The following THAP9 variants were observed in gnomAD, a reference collection of about 807,000 sequenced individuals.
THAP9 encodes THAP domain containing 9.
THAP9 carries 20 observed loss-of-function variants against 35.7 expected under a neutral mutation model. That is an observed-to-expected ratio of 0.56 (90% CI 0.39 to 0.81). THAP9 has a LOEUF of 0.81. Ranked by LOEUF, THAP9 falls within the 40% of genes least tolerant of loss-of-function variation. THAP9 has a pLI of 0.00. For missense variants in THAP9, 870 were observed against 1,047.4 expected, an observed-to-expected ratio of 0.83 and a Z score of 2.34; for synonymous variants, 335 against 373.7, an observed-to-expected ratio of 0.90 and a Z score of 1.19.
At chr4:82,912,195 T>G (rs1245628029) in intron 4 of THAP9, among the ~76,000 whole-genome samples, 1 of 152,252 alleles carries the variant, frequency 6.6e-6, no homozygotes, top group Non-Finnish European at 1.5e-5. Flanking sequence ...TCCTTTGAAA[T>G]TAAGTCTTAA....
chr4:82,900,794 A>G lies in THAP9; in HGVS notation c.-9A>G, dbSNP rs1034407174. 1.2e-6 allele frequency: 2 copies of G among 1,613,666 alleles called. No individual in the cohort carries two copies. Among genetic ancestry groups the G allele is most frequent in the Non-Finnish European group, 8.5e-7 (1 of 1,180,010 alleles). On this transcript the variant is annotated 5_prime_UTR_variant, in exon 1 of 5. The change abolishes the stop of an existing upstream ORF in the 5' untranslated region. Transcript: ENST00000302236. ...GAACCCCGAAGGTGGGGCCCCACGT[A>G]ACAAGAAGATGACCCGAAGTTGCTC...
chr4:82,904,595 C>A, intron 1 of THAP9, 141 bp from the exon 2 acceptor site: 1 of 763,612 alleles, frequency 1.3e-6, no homozygotes, highest in Non-Finnish European at 2.0e-6. Flanking sequence ...GAAAAATGAA[C>A]TAAGTAAATT....
At chr4:82,900,919 C>T (rs1240165647) in intron 1 of THAP9, 37 bp downstream of exon 1, 4 of 1,609,242 alleles carry the variant, frequency 2.5e-6, no homozygotes, top group Non-Finnish European at 3.4e-6. Flanking sequence ...TTCGAACTCC[C>T]TGCGGGGCCC....
chr4:82,913,137 C>T (rs1357542317), intron 4 of THAP9: 2 of 151,904 alleles, frequency 1.3e-5, no homozygotes, highest in Admixed American at 1.3e-4. Flanking sequence ...GAGAAATTGT[C>T]TCCTTCCTTA....
chr4:82,911,994 C>T (rs1185063721), intron 4 of THAP9, among the ~76,000 whole-genome samples: 1 of 152,106 alleles, frequency 6.6e-6, no homozygotes, highest in African/African-American at 2.4e-5. Flanking sequence ...AGATAGGGTG[C>T]CTCATGAATT....
At chr4:82,901,110 T>TA (rs1560689931) in intron 1 of THAP9, 1 of 698,370 alleles carries the variant, frequency 1.4e-6, no homozygotes, top group South Asian at 1.5e-5. Context: ...TCGCACCGCC[T>TA]ACCGCTTTAA....
chr4:82,916,653 A>G (rs1721041788), intron 4 of THAP9, among the ~76,000 whole-genome samples: 1 of 152,256 alleles, frequency 6.6e-6, no homozygotes, highest in African/African-American at 2.4e-5. Context: ...TTACAATATA[A>G]AAAGATCAGT....
Position 82,919,824 on chromosome 4 carries a change from A to G in THAP9, c.*900A>G, listed in dbSNP as rs1191645631. Reference sequence around the variant, plus strand: ...AACGGATAGAAGAAACAAGCACATTATTCACCTGTGTTGTAAAACATCTAC... The same window carrying G: ...AACGGATAGAAGAAACAAGCACATTGTTCACCTGTGTTGTAAAACATCTAC... On this transcript the variant is annotated 3_prime_UTR_variant, in exon 5 of 5. Coordinates refer to ENST00000302236, the MANE Select transcript of THAP9 (RefSeq NM_024672.6). 6.6e-6 allele frequency: 1 copy of G among 152,250 alleles called. No individual in the cohort carries two copies. The highest frequency in any genetic ancestry group is 1.9e-4 in the East Asian group (1 of 5,206). The allele number at this position is 152,250 out of a possible 1,614,324, so 9.4% of individuals were successfully genotyped here.
In THAP9 at chr4:82,918,625, T is replaced by G. The variant is rs1377940520; in HGVS notation, c.2413T>G (p.Cys805Gly). The G allele has an allele frequency of 6.2e-7, 1 of 1,614,124 alleles. No homozygotes were observed. Among genetic ancestry groups the G allele is most frequent in the African/African-American group, 1.3e-5 (1 of 75,070 alleles). ...RELYLQQKIL[C>G]ELSGHINLFV... ...ATTGTATCTTCAACAGAAAATATTA[T>G]GTGAGCTTTCTGGGCATATTAATCT... The change falls in exon 5 of 5, where the codon TGT becomes GGT. Residue 805 changes from cysteine to glycine, a missense_variant. This residue lies in a region of THAP9 where 414 missense variants were observed against 500.8 expected (regional missense o/e 0.83). Coordinates refer to ENST00000302236, the MANE Select transcript of THAP9 (RefSeq NM_024672.6).
intron 4 of THAP9, among the ~76,000 whole-genome samples, chr4:82,914,766 C>G (rs192165021): frequency 6.6e-6 from 1 of 152,130 alleles, no homozygotes; most frequent in Non-Finnish European, 1.5e-5. Flanking sequence ...TGTAGGATGT[C>G]TGTTTACTGT....
At chr4:82,901,084 T>G in intron 1 of THAP9, 1 of 729,728 alleles carries the variant, frequency 1.4e-6, no homozygotes, top group Non-Finnish European at 2.4e-6. Flanking sequence ...AGTGTTTACC[T>G]CTGAATAGCC....
intron 4 of THAP9, 149 bp downstream of exon 4, chr4:82,908,084 TA>T (rs3214860): frequency 0.49 from 358,198 of 735,886 alleles, 97,614 homozygotes; most frequent in Admixed American, 0.6. Flanking sequence ...TACTCCCATT[TA>T]AAAAAAGAAA....
chr4:82,912,830 G>A (rs150267093), intron 4 of THAP9, among the ~76,000 whole-genome samples: 1 of 152,126 alleles, frequency 6.6e-6, no homozygotes, highest in African/African-American at 2.4e-5. Context: ...GATGTCCTTC[G>A]ATTTGAGTTG....
Position 82,908,669 on chromosome 4 carries a change from T to C in THAP9, c.731+734T>C, listed in dbSNP as rs901952077. On this transcript the variant is annotated intron_variant, in intron 4 of 4. Transcript: ENST00000302236. ...GCACAGCGGCACAATCTCGGCTCAC[T>C]GCAACCTTGCCTTCCAGGTTCAAGC... Among the ~76,000 whole-genome samples, 26 of 152,246 alleles carry C rather than the reference T, an allele frequency of 1.7e-4. 1 individual carries two copies. The East Asian group carries it at 1.9e-3, about 11-fold the overall frequency.
intron 3 of THAP9, among the ~76,000 whole-genome samples, chr4:82,907,256 T>C (rs1053063318): frequency 2.0e-5 from 3 of 152,154 alleles, no homozygotes; most frequent in African/African-American, 7.2e-5. Flanking sequence ...GTCCTCTTTT[T>C]AGAAAAGAGT....
Position 82,916,986 on chromosome 4 carries a change from CATTT to C in THAP9, c.775_778del (p.Ile259PhefsTer8), listed in dbSNP as rs1721051722. 1 of 1,549,314 alleles carries C rather than the reference CATTT, an allele frequency of 6.5e-7. No individual in the cohort carries two copies. The highest frequency in any genetic ancestry group is 1.4e-5 in the African/African-American group (1 of 72,574). ...AACCCAGTCCAGGTTTCAACAGCAA[CATTT>C]TTTCTTTTCTTCAACGAAGAGTAGA... On this transcript the variant is annotated frameshift_variant, in exon 5 of 5. Coordinates refer to ENST00000302236, the MANE Select transcript of THAP9 (RefSeq NM_024672.6). LOFTEE classifies it low-confidence loss of function (END_TRUNC).
intron 1 of THAP9, 138 bp from the exon 2 acceptor site, chr4:82,904,598 A>T: frequency 1.3e-6 from 1 of 792,126 alleles, no homozygotes; most frequent in Non-Finnish European, 1.9e-6. Flanking sequence ...AAATGAACTA[A>T]GTAAATTAAA....
chr4:82,916,510 C>T (rs962758266), intron 4 of THAP9, among the ~76,000 whole-genome samples: 3 of 152,172 alleles, frequency 2.0e-5, no homozygotes, highest in South Asian at 4.1e-4. Context: ...TGGGCCAAGT[C>T]GCTTAACCTC....
chr4:82,917,754 T>A lies in THAP9; in HGVS notation c.1542T>A (p.Ile514=), dbSNP rs559320255. The A allele has an allele frequency of 6.2e-7, 1 of 1,614,018 alleles. No homozygotes were observed. The highest frequency in any genetic ancestry group is 1.1e-5 in the South Asian group (1 of 91,062). ...CIGTIHFLRL[I]NNLFDIFNSR... is the part of the protein sequence containing the mutation. ...GTACCATCCATTTTTTACGTTTAAT[T>A]AACAATCTGTTTGACATCTTTAATA... The change falls in exon 5 of 5, where the codon ATT becomes ATA. Residue 514 remains isoleucine, a synonymous_variant. Coordinates refer to ENST00000302236, the MANE Select transcript of THAP9 (RefSeq NM_024672.6).
Sources: gnomAD v4.1 joint callset for allele counts (sites outside exome capture counted in the v4.1 genomes callset) on GRCh38, gnomAD v4.1.1 for gene constraint, gnomAD v4.1.1 regional missense constraint, MANE v1.5 for transcripts, NCBI Gene and HGNC (gene_info 2026-07-23, HGNC 2026-07-21) for gene names.